Variants in MICAL2 observed in about 807,000 individuals in gnomAD.
The protein encoded by MICAL2 is [F-actin]-monooxygenase MICAL2.
Under a neutral mutation model 127.3 loss-of-function variants are expected in MICAL2, and 77 were observed. The ratio of observed to expected loss-of-function variants is 0.60; its 90% CI spans 0.50 to 0.73. The LOEUF (loss-of-function observed/expected upper bound fraction) is 0.73, where lower values mean the gene tolerates loss of function less well. Ranked by LOEUF, MICAL2 falls within the 30% of genes least tolerant of loss-of-function variation. The pLI is 0.00. For missense variants in MICAL2, 1,351 were observed against 1,434.4 expected, an observed-to-expected ratio of 0.94 and a Z score of 0.94; for synonymous variants, 570 against 551.1, an observed-to-expected ratio of 1.03 and a Z score of -0.48.
intron 2 of MICAL2, among the ~76,000 whole-genome samples, chr11:12,151,068 G>T (rs1315691027): frequency 6.6e-6 from 1 of 152,146 alleles, no homozygotes; most frequent in Non-Finnish European, 1.5e-5. Flanking sequence ...AGAAGCCCAT[G>T]TTCTTTCTAC....
At chr11:12,208,571 A>G (rs1301176074) in intron 5 of MICAL2, among the ~76,000 whole-genome samples, 1 of 152,260 alleles carries the variant, frequency 6.6e-6, no homozygotes, top group Non-Finnish European at 1.5e-5. Context: ...ACTGTGAAAT[A>G]AGGTTCAAGA....
At chr11:12,136,518 G>A (rs1590031223) in intron 1 of MICAL2, among the ~76,000 whole-genome samples, 1 of 152,244 alleles carries the variant, frequency 6.6e-6, no homozygotes, top group South Asian at 2.1e-4. Context: ...TTTTGTCGGT[G>A]TCTCTAAAAG....
intron 21 of MICAL2, among the ~76,000 whole-genome samples, chr11:12,247,364 C>T (rs1860896084): frequency 2.0e-5 from 3 of 152,178 alleles, no homozygotes; most frequent in East Asian, 1.9e-4. Context: ...CCCTAGCCAG[C>T]GTTGGCCATT....
intron 2 of MICAL2, among the ~76,000 whole-genome samples, chr11:12,281,617 A>T (rs1565292206): frequency 6.6e-6 from 1 of 152,028 alleles, no homozygotes; most frequent in Non-Finnish European, 1.5e-5. Flanking sequence ...CAATTAATAC[A>T]CTTTTACTGC....
intron 1 of MICAL2, among the ~76,000 whole-genome samples, chr11:12,137,219 G>A (rs1240715858): frequency 6.6e-6 from 1 of 152,228 alleles, no homozygotes. Flanking sequence ...GGGCGGGCAG[G>A]GCTGCCGCTT....
At chr11:12,149,398 G>A (rs1853328943) in intron 2 of MICAL2, among the ~76,000 whole-genome samples, 2 of 152,304 alleles carry the variant, frequency 1.3e-5, no homozygotes, top group South Asian at 4.1e-4. Context: ...ACCTGACTAA[G>A]TGCACATTTT....
intron 20 of MICAL2, chr11:12,243,498 G>A (rs1253795662): frequency 6.2e-6 from 1 of 161,038 alleles, no homozygotes; most frequent in African/African-American, 2.4e-5. Context: ...TCTGCTACTT[G>A]GTGGAGTCAC....
intron 3 of MICAL2, among the ~76,000 whole-genome samples, chr11:12,172,914 T>C (rs1856440356): frequency 6.6e-6 from 1 of 152,212 alleles, no homozygotes; most frequent in Admixed American, 6.5e-5. Flanking sequence ...AGCCATAAGC[T>C]ACCAGCTCTC....
intron 1 of MICAL2, among the ~76,000 whole-genome samples, chr11:12,278,863 G>A (rs1182717736): frequency 6.6e-6 from 1 of 152,242 alleles, no homozygotes; most frequent in Admixed American, 6.5e-5. Context: ...AGTGGAGAAA[G>A]TCAAGAGTTC....
chr11:12,111,195 T>A (rs1849578899), intron 1 of MICAL2, among the ~76,000 whole-genome samples: 1 of 152,066 alleles, frequency 6.6e-6, no homozygotes, highest in African/African-American at 2.4e-5. Flanking sequence ...GTCCCCTCCC[T>A]CTTTAGTAAC....
chr11:12,129,998 C>T (rs576788146), intron 1 of MICAL2, among the ~76,000 whole-genome samples: 1 of 152,204 alleles, frequency 6.6e-6, no homozygotes, highest in Admixed American at 6.5e-5. Context: ...CAGGCGTGAG[C>T]CACTGCGCCC....
At chr11:12,258,969 G>A (rs1862724642) in intron 25 of MICAL2, among the ~76,000 whole-genome samples, 2 of 152,188 alleles carry the variant, frequency 1.3e-5, no homozygotes, top group Non-Finnish European at 2.9e-5. Context: ...CCAGGCTCTC[G>A]AAGTCAACAA....
chr11:12,263,639 C>T lies in MICAL2; in HGVS notation c.*97C>T, dbSNP rs1409349811. The T allele has an allele frequency of 6.5e-6, 1 of 152,704 alleles. No individual in the cohort carries two copies. Among genetic ancestry groups the T allele is most frequent in the Non-Finnish European group, 1.5e-5 (1 of 68,048 alleles). 9.5% of individuals were successfully genotyped at this position (152,704 alleles called of 1,614,324 possible). A position where few individuals can be genotyped will look rare whatever the true frequency, so the allele number is the denominator to read the frequency against. On this transcript the variant is annotated 3_prime_UTR_variant, in exon 28 of 28. Transcript: ENST00000683283. The stretch of plus-strand genomic sequence containing the variant: ...CCTCCTCTTTAGCTAGCCTCCCCAT[C>T]TCATCACAACGCATGTCTGTGACCT...
intron 1 of MICAL2, among the ~76,000 whole-genome samples, chr11:12,118,068 G>C (rs1237497575): frequency 6.6e-6 from 1 of 152,206 alleles, no homozygotes; most frequent in Non-Finnish European, 1.5e-5. Flanking sequence ...GAAGCACTGT[G>C]TGAAATTTCA....
intron 32 of MICAL2, among the ~76,000 whole-genome samples, chr11:12,341,258 G>A (rs561993911): frequency 6.6e-6 from 1 of 152,196 alleles, no homozygotes; most frequent in African/African-American, 2.4e-5. Flanking sequence ...TAGATCATCA[G>A]TGAAGATGAA....
intron 3 of MICAL2, among the ~76,000 whole-genome samples, chr11:12,171,784 C>A (rs1316184121): frequency 6.6e-6 from 1 of 152,152 alleles, no homozygotes; most frequent in African/African-American, 2.4e-5. Context: ...CAGTGCCGCC[C>A]AAAAGAAATA....
Position 12,255,707 on chromosome 11 carries a change from T to A in MICAL2, c.2912T>A (p.Met971Lys), listed in dbSNP as rs777219011. ...GCTGAAGTCCTGGTCAATCTGTACATGAATGATCACAGACCTAAGGCCCAG... is the reference window on the plus strand; with the variant it reads ...GCTGAAGTCCTGGTCAATCTGTACAAGAATGATCACAGACCTAAGGCCCAG... ...AAAEVLVNLY[M>K]NDHRPKAQAT... The change falls in exon 23 of 28, where the codon ATG becomes AAG. Residue 971 changes from methionine to lysine, a missense_variant. Coordinates refer to ENST00000683283, the MANE Select transcript of MICAL2 (RefSeq NM_001282663.2). The A allele has an allele frequency of 2.4e-5, 38 of 1,613,984 alleles. No individual in the cohort carries two copies. The highest frequency in any genetic ancestry group is 3.1e-5 in the Non-Finnish European group (37 of 1,180,004).
chr11:12,324,080 T>A, intron 31 of MICAL2: 1 of 1,605,666 alleles, frequency 6.2e-7, no homozygotes, highest in Non-Finnish European at 8.5e-7. Context: ...GGTCAGTAAA[T>A]AAACTGGACA....
At chr11:12,226,848 G>T (rs1431592511) in intron 14 of MICAL2, among the ~76,000 whole-genome samples, 177 bp from the exon 15 acceptor site, 3 of 151,800 alleles carry the variant, frequency 2.0e-5, no homozygotes, top group African/African-American at 4.8e-5. Context: ...TAGAGACGCG[G>T]TTTCACTGTG....
Sources: gnomAD v4.1 joint callset for allele counts (sites outside exome capture counted in the v4.1 genomes callset) on GRCh38, gnomAD v4.1.1 for gene constraint, MANE v1.5 for transcripts, NCBI Gene and HGNC (gene_info 2026-07-23, HGNC 2026-07-21) for gene names.